Variants in PAGE3 observed in about 807,000 individuals in gnomAD.
PAGE3 encodes the protein P antigen family member 3.
PAGE3 carries 9 observed loss-of-function variants against 3.8 expected under a neutral mutation model. The ratio of observed to expected loss-of-function variants is 2.36; its 90% CI spans 1.42 to 4.12. The LOEUF is 4.12. Among genes scored for constraint, PAGE3 ranks in the 30% most tolerant of loss-of-function variants. The pLI is 0.00. For missense variants in PAGE3, 73 were observed against 37.8 expected, an observed-to-expected ratio of 1.93 and a Z score of -2.44; for synonymous variants, 24 against 13.1, an observed-to-expected ratio of 1.83 and a Z score of -1.79.
intron 3 of PAGE3, 146 bp downstream of exon 3, chrX:55,263,105 C>G: frequency 2.4e-6 from 1 of 413,671 alleles, no homozygotes; most frequent in Non-Finnish European, 4.3e-6. Flanking sequence ...GTAAACTATG[C>G]CTTCTTCACT....
At chrX:55,263,528 A>G (rs1238125956) in intron 2 of PAGE3, among the ~76,000 whole-genome samples, 169 bp from the exon 3 acceptor site, 3 of 112,198 alleles carry the variant, frequency 2.7e-5, no homozygotes, top group African/African-American at 9.7e-5. Context: ...TACAAGAGAA[A>G]GTTACCCTTA....
chrX:55,259,836 CTATGAG>C (rs1938255019), intron 4 of PAGE3, among the ~76,000 whole-genome samples: 1 of 110,320 alleles, frequency 9.1e-6, no homozygotes, highest in African/African-American at 3.3e-5. Flanking sequence ...AATGATCTTC[CTATGAG>C]TATATGTTGA....
Position 55,263,275 on chromosome X carries a change from C to T in PAGE3, c.169G>A (p.Asp57Asn). ...CCTTGGAAGTCCAGTGCTCCCTCGT[C>T]TCTCTCTTGACCAGGTGTATAATCC... ...SQDYTPGQER[D>N]EGALDFQVLG... Residue 57 changes from aspartate (D) to asparagine (N), a missense_variant, in exon 3 of 5, where the codon GAC becomes AAC. Coordinates refer to ENST00000374951, the MANE Select transcript of PAGE3 (RefSeq NM_001017931.3). The T allele has an allele frequency of 1.8e-6, 1 of 569,570 alleles. No homozygotes were observed. The highest frequency in any genetic ancestry group is 3.2e-6 in the Non-Finnish European group (1 of 308,965). 46.9% of individuals were successfully genotyped at this position (569,570 alleles called of 1,213,427 possible).
intron 3 of PAGE3, among the ~76,000 whole-genome samples, 199 bp downstream of exon 3, chrX:55,263,052 T>A (rs1340235659): frequency 9.1e-6 from 1 of 110,279 alleles, no homozygotes; most frequent in African/African-American, 3.3e-5. Context: ...AACAAGTAAG[T>A]CTTGAAGGTC....
At position 55,263,875 on chromosome X, in the gene PAGE3, C is replaced by G. The variant is rs144687253; in HGVS notation, c.29G>C (p.Arg10Thr). MSGHQRTRS[R>T]SRERRDDQDS... ...TTGATCATCTCTTCTTTCTCTAGAT[C>G]TGGATCTTGTTCTTTGATGTCCACT... The change falls in exon 2 of 5, where the codon AGA (arginine) becomes ACA (threonine). Residue 10 changes from arginine (R) to threonine (T), a missense_variant. Arg to Thr is a moderately conservative substitution (Grantham distance 71, BLOSUM62 -1). Transcript: ENST00000374951. 89 of 567,352 alleles carry G rather than the reference C, an allele frequency of 1.6e-4. No individual in the cohort carries two copies. The highest frequency in any genetic ancestry group is 2.6e-4 in the Non-Finnish European group (80 of 308,929). The allele number at this position is 567,352 out of a possible 1,213,427, so 46.8% of individuals were successfully genotyped here. A position where few individuals can be genotyped will look rare whatever the true frequency, so the allele number is the denominator to read the frequency against.
intron 3 of PAGE3, among the ~76,000 whole-genome samples, chrX:55,263,041 T>C (rs1262662900): frequency 1.8e-5 from 2 of 110,382 alleles, no homozygotes; most frequent in African/African-American, 6.6e-5. Context: ...CTGGCAAGCA[T>C]AACAAGTAAG....
intron 3 of PAGE3, among the ~76,000 whole-genome samples, chrX:55,262,243 C>T (rs1350440833): frequency 2.7e-5 from 3 of 111,640 alleles, no homozygotes; most frequent in Admixed American, 1.9e-4. Context: ...AGGTACATAA[C>T]CTTTTGATGT....
intron 3 of PAGE3, among the ~76,000 whole-genome samples, chrX:55,262,439 T>C (rs1481090880): frequency 9.0e-6 from 1 of 111,429 alleles, no homozygotes; most frequent in Non-Finnish European, 1.9e-5. Flanking sequence ...TCTGTTCCAC[T>C]GAATTGGGTC....
chrX:55,264,051 T>C, intron 1 of PAGE3, 140 bp from the exon 2 acceptor site: 1 of 387,397 alleles, frequency 2.6e-6, no homozygotes, highest in Non-Finnish European at 4.4e-6. Flanking sequence ...TTTTTAGGTA[T>C]CATCTAATTT....
chrX:55,260,434 G>A (rs1938267642), intron 4 of PAGE3, 100 bp downstream of exon 4: 1 of 421,743 alleles, frequency 2.4e-6, no homozygotes. Context: ...TATGAACTCT[G>A]TTAAATTATA....
rs747940478 is a variant in PAGE3, at chrX:55,263,368, A to G, written c.85-9T>C. On this transcript the variant is annotated splice_polypyrimidine_tract_variant and intron_variant, in intron 2 of 4. Coordinates refer to ENST00000374951, the MANE Select transcript of PAGE3 (RefSeq NM_001017931.3). The stretch of plus-strand genomic sequence containing the variant: ...CTGGGCAGCTCCTGGGCCTAGGAAT[A>G]TGAGTGCGTGTGCAAATAAAAAGGT... 4.1e-5 allele frequency: 23 copies of G among 562,697 alleles called. No individual in the cohort carries two copies. The highest frequency in any genetic ancestry group is 5.5e-5 in the Non-Finnish European group (17 of 306,612). The allele number at this position is 562,697 out of a possible 1,213,427, so 46.4% of individuals were successfully genotyped here.
intron 3 of PAGE3, among the ~76,000 whole-genome samples, chrX:55,262,397 A>G (rs1469440105): frequency 9.0e-6 from 1 of 111,444 alleles, no homozygotes; most frequent in Non-Finnish European, 1.9e-5. Context: ...AACAGTGGCT[A>G]TCATTCATTG....
intron 3 of PAGE3, among the ~76,000 whole-genome samples, chrX:55,262,713 T>TATATATATATATGTG (rs1555921365): frequency 2.7e-5 from 1 of 37,293 alleles, no homozygotes; most frequent in Non-Finnish European, 1.2e-4. Context: ...GATATATATA[T>TATATATATATATGTG]ATATATATAT....
intron 4 of PAGE3, 113 bp downstream of exon 4, chrX:55,260,421 A>G (rs1938267159): frequency 2.5e-6 from 1 of 393,393 alleles, no homozygotes; most frequent in South Asian, 4.3e-5. Flanking sequence ...AAGAATCTTT[A>G]TATATGAACT....
intron 4 of PAGE3, among the ~76,000 whole-genome samples, chrX:55,259,864 A>T (rs776667000): frequency 1.1e-4 from 12 of 111,080 alleles, no homozygotes; most frequent in African/African-American, 3.9e-4. Context: ...TAGGTTCCTG[A>T]ACATAGCCTG....
At chrX:55,262,309 A>G (rs756308986) in intron 3 of PAGE3, among the ~76,000 whole-genome samples, 1 of 111,432 alleles carries the variant, frequency 9.0e-6, no homozygotes, top group South Asian at 3.7e-4. Flanking sequence ...ATTATACTGA[A>G]CCAGCTACCT....
chrX:55,260,432 C>G, intron 4 of PAGE3, 102 bp downstream of exon 4: 2 of 420,226 alleles, frequency 4.8e-6, no homozygotes, highest in East Asian at 8.8e-5. Context: ...TATATGAACT[C>G]TGTTAAATTA....
chrX:55,261,892 T>A (rs1446856714), intron 3 of PAGE3, among the ~76,000 whole-genome samples: 2 of 111,696 alleles, frequency 1.8e-5, no homozygotes, highest in African/African-American at 6.5e-5. Context: ...TATCTTATAG[T>A]CATGACACCC....
Position 55,263,307 on chromosome X carries a change from T to G in PAGE3, c.137A>C (p.Glu46Ala), listed in dbSNP as rs1248013121. The G allele has an allele frequency of 1.8e-6, 1 of 570,501 alleles. No individual in the cohort carries two copies. Among genetic ancestry groups the G allele is most frequent in the Admixed American group, 2.2e-5 (1 of 45,138 alleles). The allele number at this position is 570,501 out of a possible 1,213,427, so 47.0% of individuals were successfully genotyped here. A position where few individuals can be genotyped will look rare whatever the true frequency, so the allele number is the denominator to read the frequency against. ...DQLQQEEPPI[E>A]SQDYTPGQER... is the part of the protein sequence containing the mutation. ...TTGACCAGGTGTATAATCCTGACTT[T>G]CAATTGGTGGTTCCTCTTGTTGAAG... The change falls in exon 3 of 5, where the codon GAA becomes GCA. Residue 46 changes from glutamate to alanine, a missense_variant. By Grantham distance (107) the Glu-to-Ala change is moderately radical. Coordinates refer to ENST00000374951, the MANE Select transcript of PAGE3 (RefSeq NM_001017931.3).
Sources: gnomAD v4.1 joint callset for allele counts (sites outside exome capture counted in the v4.1 genomes callset) on GRCh38, gnomAD v4.1.1 for gene constraint, MANE v1.5 for transcripts, NCBI Gene and HGNC (gene_info 2026-07-23, HGNC 2026-07-21) for gene names.